The following GFPT2 variants were observed in gnomAD, a reference collection of about 807,000 sequenced individuals.
GFPT2 encodes glutamine--fructose-6-phosphate aminotransferase [isomerizing] 2.
A neutral mutation model predicts 85.6 loss-of-function variants in GFPT2; 62 were observed. That is an observed-to-expected ratio of 0.72 (90% CI 0.59 to 0.90). GFPT2 has a LOEUF of 0.90. Ranked by LOEUF, GFPT2 falls within the 40% of genes least tolerant of loss-of-function variation. The probability of loss-of-function intolerance (pLI) is 0.00; values close to 1 mark genes in which losing one functional copy is unlikely to be tolerated. For missense variants in GFPT2, 788 were observed against 893.4 expected, an observed-to-expected ratio of 0.88 and a Z score of 1.50; for synonymous variants, 368 against 344.5, an observed-to-expected ratio of 1.07 and a Z score of -0.75.
At chr5:180,316,226 G>T in intron 13 of GFPT2, 115 bp downstream of exon 13, 1 of 1,045,388 alleles carries the variant, frequency 9.6e-7, no homozygotes, top group Non-Finnish European at 1.4e-6. Flanking sequence ...ACCGCTGCAA[G>T]AGAGGGTTCG....
At chr5:180,331,959 G>A (rs1764308815) in intron 4 of GFPT2, among the ~76,000 whole-genome samples, 1 of 152,232 alleles carries the variant, frequency 6.6e-6, no homozygotes, top group African/African-American at 2.4e-5. Context: ...TAGGCACAAA[G>A]AGGTCGCAAA....
At position 180,330,988 on chromosome 5, in the gene GFPT2, A is replaced by G; in HGVS notation, c.400-154T>C. ...GGGGAAAAATGTTTGCCAGCATCAC[A>G]GCCAAATACCTCTGAGTCACTCCCG... On this transcript the variant is annotated intron_variant, in intron 5 of 18. Transcript: ENST00000253778. The surrounding 1 kb of genome is among the most constrained non-coding windows in gnomAD (Gnocchi z 4.4). 6.1e-6 allele frequency: 4 copies of G among 656,434 alleles called. No homozygotes were observed. The highest frequency in any genetic ancestry group is 5.5e-5 in the East Asian group (2 of 36,308). 40.7% of individuals were successfully genotyped at this position (656,434 alleles called of 1,614,324 possible). A position where few individuals can be genotyped will look rare whatever the true frequency, so the allele number is the denominator to read the frequency against.
At chr5:180,337,698 C>G (rs878706) in intron 2 of GFPT2, among the ~76,000 whole-genome samples, 58,070 of 151,782 alleles carry the variant, frequency 0.38, 11,568 homozygotes, top group Non-Finnish European at 0.43. Flanking sequence ...CACAACGCTG[C>G]GCATACTTAA....
intron 7 of GFPT2, among the ~76,000 whole-genome samples, chr5:180,327,657 T>C (rs73349690): frequency 0.29 from 43,683 of 152,060 alleles, 6,618 homozygotes; most frequent in East Asian, 0.38. Flanking sequence ...AAGTGCACAG[T>C]AAATATTAGT....
intron 10 of GFPT2, among the ~76,000 whole-genome samples, chr5:180,317,587 G>T (rs550377376): frequency 2.0e-5 from 3 of 146,384 alleles, no homozygotes; most frequent in Non-Finnish European, 2.9e-5. Context: ...GTGAAACCCC[G>T]TCTCTACTAA....
At chr5:180,314,112 A>T (rs1763956851) in intron 13 of GFPT2, 148 bp from the exon 14 acceptor site, 3 of 700,234 alleles carry the variant, frequency 4.3e-6, no homozygotes, top group Non-Finnish European at 6.9e-6. Context: ...CTCGCTCAAC[A>T]GCCTTTTCGG....
chr5:180,304,968 C>T, intron 16 of GFPT2, 29 bp from the exon 17 acceptor site: 1 of 1,544,526 alleles, frequency 6.5e-7, no homozygotes, highest in African/African-American at 1.4e-5. Context: ...ATCAGAGTCA[C>T]ACTGGGCAGA....
chr5:180,327,392 C>G (rs1003225480), intron 7 of GFPT2, among the ~76,000 whole-genome samples: 3 of 152,236 alleles, frequency 2.0e-5, no homozygotes, highest in African/African-American at 7.2e-5. Context: ...CATGCCCCCA[C>G]CTTGCCAACG....
chr5:180,314,050 C>T, intron 13 of GFPT2, 86 bp from the exon 14 acceptor site: 1 of 1,367,372 alleles, frequency 7.3e-7, no homozygotes. Flanking sequence ...CCGGCTCTTA[C>T]AGGGAAATCG....
rs1428081510 is a variant in GFPT2, at chr5:180,304,805, G to A, written c.1809C>T (p.Cys603=). 6.2e-7 allele frequency: 1 copy of A among 1,613,816 alleles called. No homozygotes were observed. The highest frequency in any genetic ancestry group is 8.5e-7 in the Non-Finnish European group (1 of 1,179,914). Residue 603 remains cysteine (C), a synonymous_variant, in exon 17 of 19, where the codon TGC becomes TGT. Transcript: ENST00000253778. ...CCGTGACTTGCTGCAGGGCGTTCTG[G>A]CATTTGGCGAAGCAAGGATCCTTCA... ...VIMKDPCFAK[C]QNALQQVTAR... is the part of the protein sequence containing the mutation.
In GFPT2 at chr5:180,316,407, T is replaced by C. The variant is rs375789724; in HGVS notation, c.1207A>G (p.Ser403Gly). 6.2e-7 allele frequency: 1 copy of C among 1,613,952 alleles called. No homozygotes were observed. Among genetic ancestry groups the C allele is most frequent in the Non-Finnish European group, 8.5e-7 (1 of 1,179,826 alleles). Residue 403 changes from serine to glycine, a missense_variant, in exon 13 of 19, where the codon AGT becomes GGT. By Grantham distance (56) the Ser-to-Gly change is moderately conservative (BLOSUM62 0). Transcript: ENST00000253778. ...TELPVMVELA[S>G]DFLDRNTPVF... ...GGTGTGTTCCTGTCCAGAAAATCAC[T>C]AGCAAGTTCAACCATCACAGGAAGC...
At chr5:180,310,570 C>A (rs1020925291) in intron 15 of GFPT2, among the ~76,000 whole-genome samples, 2 of 151,788 alleles carry the variant, frequency 1.3e-5, no homozygotes, top group African/African-American at 4.8e-5. Context: ...GCCACCACAT[C>A]CAGCTGCTTT....
chr5:180,303,061 C>T (rs1749866431), intron 17 of GFPT2, among the ~76,000 whole-genome samples: 1 of 143,868 alleles, frequency 7.0e-6, no homozygotes, highest in Admixed American at 6.8e-5. Context: ...AACCCTGTCT[C>T]TACTAAAAAA....
Position 180,330,843 on chromosome 5 carries a change from T to C in GFPT2, c.400-9A>G. 1 of 1,613,736 alleles carries C rather than the reference T, an allele frequency of 6.2e-7. No homozygotes were observed. The highest frequency in any genetic ancestry group is 1.6e-4 in the Middle Eastern group (1 of 6,062). ...TCGTAGCCTTTGCTTTCCTGGAATA[T>C]GCAGTCGGCACAGTGTGAGAGATTG... On this transcript the variant is annotated splice_polypyrimidine_tract_variant and intron_variant, in intron 5 of 18. Coordinates refer to ENST00000253778, the MANE Select transcript of GFPT2 (RefSeq NM_005110.4). The surrounding 1 kb of genome is among the most constrained non-coding windows in gnomAD (Gnocchi z 4.4).
intron 1 of GFPT2, among the ~76,000 whole-genome samples, chr5:180,345,618 C>T (rs141944285): frequency 5.9e-5 from 9 of 152,352 alleles, no homozygotes; most frequent in East Asian, 1.9e-4. Flanking sequence ...TCTTTTTCTT[C>T]GGCTCCCCGC....
intron 15 of GFPT2, among the ~76,000 whole-genome samples, chr5:180,308,565 T>C (rs1356106384): frequency 1.3e-5 from 2 of 152,230 alleles, no homozygotes; most frequent in Non-Finnish European, 2.9e-5. Context: ...ATTTAAATTA[T>C]TTTACAAATA....
intron 10 of GFPT2, among the ~76,000 whole-genome samples, chr5:180,317,651 T>G (rs567370852): frequency 7.5e-6 from 1 of 133,160 alleles, no homozygotes; most frequent in Non-Finnish European, 1.6e-5. Flanking sequence ...CCCAGCTACT[T>G]GGGAGGCTGA....
At position 180,336,463 on chromosome 5, in the gene GFPT2, G is replaced by C. The variant is rs1764397301; in HGVS notation, c.214+16C>G. On this transcript the variant is annotated intron_variant, in intron 3 of 18. Coordinates refer to ENST00000253778, the MANE Select transcript of GFPT2 (RefSeq NM_005110.4). ...GCGCTGCAGCGGCTCCTCCCACTCAGAGGTCCTCCACTTACTGTAAAGTTC... is the reference window on the plus strand; with the variant it reads ...GCGCTGCAGCGGCTCCTCCCACTCACAGGTCCTCCACTTACTGTAAAGTTC... 2 of 1,425,880 alleles carry C rather than the reference G, an allele frequency of 1.4e-6. No homozygotes were observed. The highest frequency in any genetic ancestry group is 1.4e-5 in the African/African-American group (1 of 71,332). 88.3% of individuals were successfully genotyped at this position (1,425,880 alleles called of 1,614,324 possible).
intron 16 of GFPT2, among the ~76,000 whole-genome samples, chr5:180,306,887 C>T (rs949776842): frequency 6.6e-6 from 1 of 152,196 alleles, no homozygotes; most frequent in African/African-American, 2.4e-5. Flanking sequence ...TCCAAGTGGA[C>T]CCTGGCAGTG....
Sources: allele counts gnomAD v4.1 joint callset (sites outside exome capture counted in the v4.1 genomes callset), GRCh38; gene constraint gnomAD v4.1.1; non-coding constraint Gnocchi (gnomAD v3.1); transcripts MANE v1.5; gene names NCBI Gene and HGNC (gene_info 2026-07-23, HGNC 2026-07-21).